Variants in FARP2 observed in about 807,000 individuals in gnomAD.
The protein encoded by FARP2 is FERM, ARHGEF and pleckstrin domain-containing protein 2.
In FARP2, 111 loss-of-function variants were observed where a neutral mutation model predicts 130.5. The observed-to-expected ratio is 0.85, with a 90% CI of 0.73 to 1.00. FARP2 has a LOEUF of 1.00. Among genes scored for constraint, FARP2 ranks in the 50% least tolerant of loss-of-function variants. The pLI is 0.00. For missense variants in FARP2, 1,385 were observed against 1,346.3 expected, an observed-to-expected ratio of 1.03 and a Z score of -0.45; for synonymous variants, 504 against 516.9, an observed-to-expected ratio of 0.98 and a Z score of 0.34.
rs745948966 is a variant in FARP2, at chr2:241,493,009, C to CTGTT, written c.2873_2876dup (p.Phe960ValfsTer9). On this transcript the variant is annotated frameshift_variant, in exon 25 of 27. Transcript: ENST00000264042. LOFTEE classifies it high-confidence loss of function. ...AGCTCTGGGTCGTCTTTACCAACTT[C>CTGTT]TGTTTGTTCTTCTACAAAACTCATC... 3.1e-6 allele frequency: 5 copies of CTGTT among 1,607,264 alleles called. No homozygotes were observed. The highest frequency in any genetic ancestry group is 2.2e-5 in the South Asian group (2 of 90,948).
chr2:241,493,959 G>C lies in FARP2; in HGVS notation c.3048-49G>C, dbSNP rs2065031903. ...TATCCTGGGTTGTTCTTGGGACAGT[G>C]TCTGAGCACAAGATGGCTCACTGGT... On this transcript the variant is annotated intron_variant, in intron 26 of 26. Transcript: ENST00000264042. The C allele has an allele frequency of 2.5e-6, 3 of 1,182,730 alleles. No individual in the cohort carries two copies. The East Asian group carries it at 8.4e-5, about 33-fold the overall frequency. 73.3% of individuals were successfully genotyped at this position (1,182,730 alleles called of 1,614,324 possible).
At chr2:241,437,329 A>G (rs990813675) in intron 12 of FARP2, among the ~76,000 whole-genome samples, 2 of 152,240 alleles carry the variant, frequency 1.3e-5, no homozygotes, top group African/African-American at 4.8e-5. Context: ...GAATGTGACA[A>G]CAGCTGTTCC....
intron 4 of FARP2, among the ~76,000 whole-genome samples, chr2:241,406,587 C>A (rs1471507715): frequency 6.6e-6 from 1 of 151,382 alleles, no homozygotes; most frequent in Non-Finnish European, 1.5e-5. Flanking sequence ...GCTGGAACTT[C>A]AGGCATGCGC....
At chr2:241,448,526 C>T (rs147572062) in intron 13 of FARP2, among the ~76,000 whole-genome samples, 1 of 152,332 alleles carries the variant, frequency 6.6e-6, no homozygotes, top group African/African-American at 2.4e-5. Context: ...TAAGTCAGAG[C>T]ATGCTTCTCA....
intron 2 of FARP2, among the ~76,000 whole-genome samples, chr2:241,402,637 A>G (rs2062198000): frequency 6.6e-6 from 1 of 151,252 alleles, no homozygotes; most frequent in African/African-American, 2.4e-5. Context: ...TATTTTTGTG[A>G]GTAATGTACA....
At position 241,442,155 on chromosome 2, in the gene FARP2, G is replaced by A. The variant is rs1348171183; in HGVS notation, c.1411+599G>A. 1.4e-5 allele frequency: 6 copies of A among 440,942 alleles called. No homozygotes were observed. In the Admixed American group the frequency reaches 1.4e-4, roughly 11 times the overall value. 27.3% of individuals were successfully genotyped at this position (440,942 alleles called of 1,614,324 possible). ...AGACCAGCTCACTGAGAAACAGCCA[G>A]TCTGAAAACAGCTCCCTCAATAACA... On this transcript the variant is annotated intron_variant, in intron 13 of 26. Coordinates refer to ENST00000264042, the MANE Select transcript of FARP2 (RefSeq NM_014808.4).
Position 241,392,513 on chromosome 2 carries a change from A to T in FARP2, c.184-11315A>T, listed in dbSNP as rs191393695. 3.3e-5 allele frequency among the ~76,000 whole-genome samples: 5 copies of T among 152,318 alleles called. No individual in the cohort carries two copies. In the East Asian group the frequency reaches 9.6e-4, roughly 29 times the overall value. ...AGCTAGGGTATGAATGAATCCATTGATACATAAGCTCAGTTTTTGCCCACA... is the reference window on the plus strand; with the variant it reads ...AGCTAGGGTATGAATGAATCCATTGTTACATAAGCTCAGTTTTTGCCCACA... On this transcript the variant is annotated intron_variant, in intron 2 of 26. Coordinates refer to ENST00000264042, the MANE Select transcript of FARP2 (RefSeq NM_014808.4).
rs529307670 is a variant in FARP2, at chr2:241,411,367, G to A, written c.508+237G>A. Reference sequence around the variant, plus strand: ...GGCCAAGGCCAAAATCTGTAGCCACGTTCCTTCTTTTGGGTTGTCTCTCAT... The same window carrying A: ...GGCCAAGGCCAAAATCTGTAGCCACATTCCTTCTTTTGGGTTGTCTCTCAT... On this transcript the variant is annotated intron_variant, in intron 6 of 26. Transcript: ENST00000264042. Among the ~76,000 whole-genome samples, 98 of 152,326 alleles carry A rather than the reference G, an allele frequency of 6.4e-4. 3 individuals carry two copies. In the South Asian group the frequency reaches 0.02, roughly 31 times the overall value.
At chr2:241,367,335 T>A (rs1488499276) in intron 1 of FARP2, among the ~76,000 whole-genome samples, 1 of 152,178 alleles carries the variant, frequency 6.6e-6, no homozygotes, top group East Asian at 1.9e-4. Flanking sequence ...CCATTTCTCA[T>A]TAGCAGTTTG....
intron 2 of FARP2, among the ~76,000 whole-genome samples, chr2:241,386,426 C>T (rs2061785121): frequency 6.6e-6 from 1 of 152,092 alleles, no homozygotes; most frequent in Non-Finnish European, 1.5e-5. Flanking sequence ...AAAAGAAAAG[C>T]TTTATTGCCA....
chr2:241,453,774 T>TG (rs2063755243), intron 13 of FARP2, among the ~76,000 whole-genome samples: 2 of 48,162 alleles, frequency 4.2e-5, no homozygotes, highest in Admixed American at 2.0e-4. Flanking sequence ...TACTGGTTTT[T>TG]TTTTTTTTTT....
At chr2:241,368,637 A>AT (rs2061364792) in intron 1 of FARP2, among the ~76,000 whole-genome samples, 1 of 151,966 alleles carries the variant, frequency 6.6e-6, no homozygotes, top group Non-Finnish European at 1.5e-5. Context: ...CTATTAATGT[A>AT]TTTTTTTACA....
intron 2 of FARP2, among the ~76,000 whole-genome samples, chr2:241,385,936 A>C (rs1259028289): frequency 6.6e-6 from 1 of 152,200 alleles, no homozygotes; most frequent in East Asian, 1.9e-4. Context: ...GAATGTGCTT[A>C]TATGTATTTC....
chr2:241,375,730 G>T (rs1281136870), intron 2 of FARP2, among the ~76,000 whole-genome samples: 1 of 152,012 alleles, frequency 6.6e-6, no homozygotes, highest in Non-Finnish European at 1.5e-5. Flanking sequence ...AAATGGTCTT[G>T]CATATTCTGA....
intron 2 of FARP2, among the ~76,000 whole-genome samples, chr2:241,374,773 A>G (rs1203217108): frequency 1.3e-5 from 2 of 152,212 alleles, no homozygotes; most frequent in Non-Finnish European, 2.9e-5. Context: ...ATGGTAACTG[A>G]AACTGGTAGG....
intron 8 of FARP2, among the ~76,000 whole-genome samples, chr2:241,425,868 T>G (rs1041222526): frequency 6.6e-5 from 10 of 151,550 alleles, no homozygotes; most frequent in South Asian, 2.1e-4. Flanking sequence ...CTTTTGTTTT[T>G]TTTTTTTTGA....
intron 18 of FARP2, among the ~76,000 whole-genome samples, chr2:241,470,148 T>C (rs2064270062): frequency 6.6e-6 from 1 of 152,374 alleles, no homozygotes. Context: ...TACCAGCCTC[T>C]TGGTCTTCCT....
chr2:241,429,947 G>C (rs995176449), intron 8 of FARP2, among the ~76,000 whole-genome samples: 18 of 152,134 alleles, frequency 1.2e-4, no homozygotes, highest in Admixed American at 7.2e-4. Flanking sequence ...ATTTTGTGGA[G>C]CGATACTTTG....
chr2:241,492,102 T>C (rs2064937885), intron 24 of FARP2, among the ~76,000 whole-genome samples: 1 of 152,208 alleles, frequency 6.6e-6, no homozygotes, highest in Admixed American at 6.5e-5. Flanking sequence ...GGTCTGCCAT[T>C]GTGGGTCACC....
Sources: gnomAD v4.1 joint callset for allele counts (sites outside exome capture counted in the v4.1 genomes callset) on GRCh38, gnomAD v4.1.1 for gene constraint, MANE v1.5 for transcripts, NCBI Gene and HGNC (gene_info 2026-07-23, HGNC 2026-07-21) for gene names.